Variants in SEMA3D observed in about 807,000 individuals in gnomAD.
The protein encoded by SEMA3D is semaphorin 3D.
A neutral mutation model predicts 100.1 loss-of-function variants in SEMA3D; 84 were observed. That is an observed-to-expected ratio of 0.84 (90% CI 0.70 to 1.01). The LOEUF (loss-of-function observed/expected upper bound fraction) is 1.01, where lower values mean the gene tolerates loss of function less well. Ranked by LOEUF, SEMA3D falls within the 50% of genes least tolerant of loss-of-function variation. The pLI is 0.00. For missense variants in SEMA3D, 875 were observed against 934.1 expected, an observed-to-expected ratio of 0.94 and a Z score of 0.82; for synonymous variants, 312 against 320.7, an observed-to-expected ratio of 0.97 and a Z score of 0.29.
At chr7:85,051,184 T>C (rs1791153983) in intron 9 of SEMA3D, among the ~76,000 whole-genome samples, 2 of 151,858 alleles carry the variant, frequency 1.3e-5, no homozygotes, top group Admixed American at 6.6e-5. Flanking sequence ...ATGGAAGCAA[T>C]AGGTGCCTGC....
chr7:85,138,315 G>C (rs530970566), intron 2 of SEMA3D, among the ~76,000 whole-genome samples: 1 of 151,800 alleles, frequency 6.6e-6, no homozygotes, highest in South Asian at 2.1e-4. Flanking sequence ...TTTTGAGACA[G>C]TCTCACTCTA....
intron 17 of SEMA3D, among the ~76,000 whole-genome samples, chr7:85,010,877 G>T (rs953443586): frequency 1.3e-5 from 2 of 151,646 alleles, no homozygotes; most frequent in African/African-American, 4.8e-5. Flanking sequence ...GTATTAGGGA[G>T]TCAGTAGACA....
chr7:85,194,192 T>C, the SEMA3D span, among the ~76,000 whole-genome samples: 2 of 152,194 alleles, frequency 1.3e-5, no homozygotes, highest in Non-Finnish European at 2.9e-5. Flanking sequence ...GTCTGTCTCT[T>C]ATTTCTTGTT....
At chr7:85,072,528 T>A (rs551146986) in intron 6 of SEMA3D, among the ~76,000 whole-genome samples, 2 of 152,258 alleles carry the variant, frequency 1.3e-5, no homozygotes, top group East Asian at 1.9e-4. Context: ...TATAAAGACA[T>A]ACATGGAGCC....
intron 4 of SEMA3D, among the ~76,000 whole-genome samples, chr7:85,090,151 C>T (rs1788342537): frequency 6.6e-6 from 1 of 152,096 alleles, no homozygotes; most frequent in South Asian, 2.1e-4. Context: ...CTTCCTACCA[C>T]CTTTAGCACC....
chr7:85,248,104 T>C, the SEMA3D span, among the ~76,000 whole-genome samples: 1 of 151,890 alleles, frequency 6.6e-6, no homozygotes, highest in Admixed American at 6.6e-5. Context: ...GACTGAAATA[T>C]GTGAAGAACT....
chr7:85,073,807 A>G (rs1791844352), intron 5 of SEMA3D, among the ~76,000 whole-genome samples: 1 of 152,160 alleles, frequency 6.6e-6, no homozygotes, highest in South Asian at 2.1e-4. Flanking sequence ...GATAATTTCC[A>G]TAATCTCTGT....
At position 85,154,970 on chromosome 7, in the gene SEMA3D, C is replaced by T. The variant is rs542086361; in HGVS notation, c.-172-1231G>A. Among the ~76,000 whole-genome samples, 15 of 152,184 alleles carry T rather than the reference C, an allele frequency of 9.9e-5. No individual in the cohort carries two copies. In the South Asian group the frequency reaches 2.9e-3, roughly 30 times the overall value. The stretch of plus-strand genomic sequence containing the variant: ...TCTTTCTATATATAAAGAATTGTGT[C>T]ATGTTATTACTGTCATCTCCACAGT... On this transcript the variant is annotated intron_variant, in intron 1 of 18. Coordinates refer to ENST00000284136, the MANE Select transcript of SEMA3D (RefSeq NM_001384900.1).
intron 18 of SEMA3D, among the ~76,000 whole-genome samples, chr7:85,005,478 ATTCCT>A (rs1196530561): frequency 3.9e-5 from 6 of 152,190 alleles, no homozygotes; most frequent in Non-Finnish European, 7.4e-5. Flanking sequence ...GCATGAAATT[ATTCCT>A]TTATTTTTGT....
intron 4 of SEMA3D, among the ~76,000 whole-genome samples, chr7:85,088,285 TA>T (rs1788283114): frequency 6.6e-6 from 1 of 152,190 alleles, no homozygotes; most frequent in African/African-American, 2.4e-5. Flanking sequence ...AAGGAAATTC[TA>T]ATTATATCTG....
At chr7:85,061,086 ATC>A (rs2116116553) in intron 8 of SEMA3D, among the ~76,000 whole-genome samples, 1 of 152,282 alleles carries the variant, frequency 6.6e-6, no homozygotes, top group African/African-American at 2.4e-5. Context: ...AAGTTGATAA[ATC>A]AAAGTGTGGA....
intron 17 of SEMA3D, among the ~76,000 whole-genome samples, chr7:85,008,976 A>G (rs1318768822): frequency 6.6e-6 from 1 of 151,764 alleles, no homozygotes; most frequent in Non-Finnish European, 1.5e-5. Context: ...ATATTTCATT[A>G]TGTATATGCA....
At chr7:85,059,919 A>G (rs1791427088) in intron 8 of SEMA3D, among the ~76,000 whole-genome samples, 1 of 152,218 alleles carries the variant, frequency 6.6e-6, no homozygotes, top group African/African-American at 2.4e-5. Flanking sequence ...ACATCATCCA[A>G]GTGTTGACAG....
At chr7:85,144,684 T>G (rs531700855) in intron 2 of SEMA3D, 1 of 985,304 alleles carries the variant, frequency 1.0e-6, no homozygotes, top group Middle Eastern at 5.2e-4. Context: ...GAGCCCAAAA[T>G]TAAAGCTGTG....
intron 5 of SEMA3D, among the ~76,000 whole-genome samples, chr7:85,074,637 ATT>A (rs1341582946): frequency 0.012 from 1,532 of 131,380 alleles, 26 homozygotes; most frequent in African/African-American, 0.041. Flanking sequence ...ATATATATAT[ATT>A]TTTTTTTTTT....
chr7:85,168,941 C>T (rs1791008206), intron 1 of SEMA3D, among the ~76,000 whole-genome samples: 1 of 151,392 alleles, frequency 6.6e-6, no homozygotes, highest in Admixed American at 6.6e-5. Context: ...GGAAGGAATT[C>T]AAACCAGCTT....
At chr7:85,216,883 C>T in the SEMA3D span, among the ~76,000 whole-genome samples, 1 of 151,286 alleles carries the variant, frequency 6.6e-6, no homozygotes, top group Non-Finnish European at 1.5e-5. Flanking sequence ...ATCTCCCACC[C>T]CCAAATTATA....
the SEMA3D span, among the ~76,000 whole-genome samples, chr7:85,203,188 C>T: frequency 3.9e-5 from 6 of 152,220 alleles, no homozygotes; most frequent in Non-Finnish European, 5.9e-5. Flanking sequence ...CAGAAATATG[C>T]GATAGATATC....
intron 3 of SEMA3D, among the ~76,000 whole-genome samples, chr7:85,105,815 T>C (rs1343574292): frequency 2.6e-5 from 4 of 152,086 alleles, no homozygotes; most frequent in South Asian, 2.1e-4. Flanking sequence ...TAGGGAAACA[T>C]AAATTAGAAA....
Sources: gnomAD v4.1 joint callset for allele counts (sites outside exome capture counted in the v4.1 genomes callset) on GRCh38, gnomAD v4.1.1 for gene constraint, MANE v1.5 for transcripts, NCBI Gene and HGNC (gene_info 2026-07-23, HGNC 2026-07-21) for gene names.